Variants in RFTN1 observed in about 807,000 individuals in gnomAD.
RFTN1 encodes the protein raftlin.
RFTN1 carries 26 observed loss-of-function variants against 46.5 expected under a neutral mutation model. The ratio of observed to expected loss-of-function variants is 0.56; its 90% confidence interval spans 0.41 to 0.78. The LOEUF is 0.78. Ranked by LOEUF, RFTN1 falls within the 30% of genes least tolerant of loss-of-function variation. RFTN1 has a pLI of 0.00. For missense variants in RFTN1, 693 were observed against 718.7 expected (o/e 0.96, Z 0.41); for synonymous variants, 261 against 284.2 (o/e 0.92, Z 0.82).
chr3:16,317,527 A>G lies in RFTN1; in HGVS notation c.1333-295T>C, dbSNP rs2068541289. Among the ~76,000 whole-genome samples the G allele has an allele frequency of 6.6e-6, 1 of 152,176 alleles. No homozygotes were observed. Among genetic ancestry groups the G allele is most frequent in the South Asian group, 2.1e-4 (1 of 4,822 alleles). On this transcript the variant is annotated intron_variant, in intron 9 of 9. Coordinates refer to ENST00000334133, the MANE Select transcript of RFTN1 (RefSeq NM_015150.2). The surrounding 1 kb of genome is among the most constrained non-coding windows in gnomAD (Gnocchi z 4.3). ...TCTATACCAAAGGCCCACATAGGAAAGGGCTCCTAAAGTCCTATCATTTGG... is the reference window on the plus strand; with the variant it reads ...TCTATACCAAAGGCCCACATAGGAAGGGGCTCCTAAAGTCCTATCATTTGG...
intron 1 of RFTN1, among the ~76,000 whole-genome samples, chr3:16,511,197 T>G (rs1241217047): frequency 6.6e-6 from 1 of 152,198 alleles, no homozygotes; most frequent in Non-Finnish European, 1.5e-5. Context: ...TGATAAGGAC[T>G]AGGGTTACAC....
At chr3:16,490,767 T>A (rs1338786481) in intron 2 of RFTN1, among the ~76,000 whole-genome samples, 1 of 152,222 alleles carries the variant, frequency 6.6e-6, no homozygotes, top group African/African-American at 2.4e-5. Context: ...AAAAGGGGAC[T>A]GCAAAATAAA....
chr3:16,330,555 A>G (rs2070210898), intron 7 of RFTN1, among the ~76,000 whole-genome samples: 1 of 152,144 alleles, frequency 6.6e-6, no homozygotes, highest in African/African-American at 2.4e-5. Flanking sequence ...ACAAAAAGAC[A>G]TTTCTTTCTC....
chr3:16,458,343 G>A lies in RFTN1; in HGVS notation c.146-24306C>T, dbSNP rs1473511975. ...TATTATTCAGGTCCAGGTATGCTCG[G>A]GGTGCTGGAGTTTCAGGTAGTGGGG... is the stretch of plus-strand genomic sequence containing the variant. On this transcript the variant is annotated intron_variant, in intron 2 of 9. Coordinates refer to ENST00000334133, the MANE Select transcript of RFTN1 (RefSeq NM_015150.2). The surrounding 1 kb of genome is among the most constrained non-coding windows in gnomAD (Gnocchi z 5.1). Among the ~76,000 whole-genome samples, 1 of 152,172 alleles carries A rather than the reference G, an allele frequency of 6.6e-6. No individual in the cohort carries two copies. The highest frequency in any genetic ancestry group is 6.5e-5 in the Admixed American group (1 of 15,280).
chr3:16,389,027 A>ACC (rs2074282103), intron 4 of RFTN1, among the ~76,000 whole-genome samples: 4 of 151,810 alleles, frequency 2.6e-5, no homozygotes, highest in Non-Finnish European at 2.9e-5. Context: ...CATAAGTTTA[A>ACC]AGAATTTAAC....
chr3:16,492,732 T>G (rs2124990882), intron 2 of RFTN1, among the ~76,000 whole-genome samples: 3 of 152,364 alleles, frequency 2.0e-5, no homozygotes, highest in East Asian at 3.9e-4. Flanking sequence ...TATACTGTTT[T>G]CCAACTTACA....
Position 16,355,579 on chromosome 3 carries a change from G to A in RFTN1, c.1146+2353C>T, listed in dbSNP as rs543342882. On this transcript the variant is annotated intron_variant, in intron 7 of 9. Transcript: ENST00000334133. ...GAGCCTTTGCAGCCTCATCACTCCT[G>A]GGGTCCCACCTTTCAAATCCATCAC... Among the ~76,000 whole-genome samples the A allele has an allele frequency of 6.0e-4, 91 of 152,330 alleles. 2 individuals are homozygous for A. The South Asian group carries it at 0.019, about 31-fold the overall frequency.
At chr3:16,511,559 A>C (rs2076902656) in intron 1 of RFTN1, among the ~76,000 whole-genome samples, 1 of 152,124 alleles carries the variant, frequency 6.6e-6, no homozygotes, top group Non-Finnish European at 1.5e-5. Flanking sequence ...ATGGGGATAG[A>C]GTCACAGTGT....
At chr3:16,430,104 G>GT (rs367602281) in intron 3 of RFTN1, among the ~76,000 whole-genome samples, 43 of 129,952 alleles carry the variant, frequency 3.3e-4, no homozygotes, top group East Asian at 2.9e-3. Flanking sequence ...GAAAAAGTCC[G>GT]TTTTTTTTTT....
chr3:16,386,558 C>T (rs1036029200), intron 4 of RFTN1, among the ~76,000 whole-genome samples: 4 of 152,228 alleles, frequency 2.6e-5, no homozygotes, highest in Admixed American at 2.0e-4. Context: ...CGCTGCTCAG[C>T]GCTGTATTTG....
intron 1 of RFTN1, among the ~76,000 whole-genome samples, chr3:16,510,991 C>T (rs986128179): frequency 7.2e-5 from 11 of 152,148 alleles, no homozygotes; most frequent in East Asian, 1.9e-4. Context: ...ATCATGGATA[C>T]GACATGGATG....
intron 1 of RFTN1, 134 bp from the exon 2 acceptor site, chr3:16,494,011 T>C (rs761715220): frequency 4.2e-6 from 4 of 948,618 alleles, no homozygotes; most frequent in South Asian, 1.6e-5. Flanking sequence ...ACTGAGAGTA[T>C]AATTTAATAT....
At chr3:16,375,409 G>T (rs1226126241) in intron 5 of RFTN1, among the ~76,000 whole-genome samples, 1 of 152,128 alleles carries the variant, frequency 6.6e-6, no homozygotes, top group African/African-American at 2.4e-5. Flanking sequence ...CTCCCTATTT[G>T]TAAAATGGAT....
intron 2 of RFTN1, among the ~76,000 whole-genome samples, chr3:16,486,633 T>C (rs916981251): frequency 1.3e-5 from 2 of 152,224 alleles, no homozygotes; most frequent in Non-Finnish European, 2.9e-5. Flanking sequence ...CACCTGAGGA[T>C]TTCAAGTCTT....
rs2076147246 is a variant in RFTN1 at position 16,468,927 on chromosome 3, C to T, written c.145+24798G>A. Among the ~76,000 whole-genome samples, 1 of 152,268 alleles carries T rather than the reference C, an allele frequency of 6.6e-6. No individual in the cohort carries two copies. On this transcript the variant is annotated intron_variant, in intron 2 of 9. Coordinates refer to ENST00000334133, the MANE Select transcript of RFTN1 (RefSeq NM_015150.2). This position sits in a 1 kb window ranked among gnomAD's most constrained non-coding sequence, Gnocchi z 4.4. ...GGGCAGGCATGCAGCCATTTCTTCA[C>T]TGCCAAAAGGCCAATCCATTCCCCC...
chr3:16,352,266 T>C lies in RFTN1; in HGVS notation c.1146+5666A>G, dbSNP rs2072152099. On this transcript the variant is annotated intron_variant, in intron 7 of 9. Coordinates refer to ENST00000334133, the MANE Select transcript of RFTN1 (RefSeq NM_015150.2). This position sits in a 1 kb window ranked among gnomAD's most constrained non-coding sequence, Gnocchi z 4.6. Reference sequence around the variant, plus strand: ...CATATTCCAGGGAGAGGGATAAACATGGAAAAGGCTCTATGGCTCAGGTAG... The same window carrying C: ...CATATTCCAGGGAGAGGGATAAACACGGAAAAGGCTCTATGGCTCAGGTAG... Among the ~76,000 whole-genome samples the C allele has an allele frequency of 6.6e-6, 1 of 152,142 alleles. No individual in the cohort carries two copies. The highest frequency in any genetic ancestry group is 2.4e-5 in the African/African-American group (1 of 41,416).
chr3:16,358,430 GT>G (rs11456149), intron 6 of RFTN1, among the ~76,000 whole-genome samples: 17 of 149,120 alleles, frequency 1.1e-4, no homozygotes, highest in African/African-American at 2.5e-4. Context: ...TTAGGTGAGG[GT>G]TTTTTTTTTC....
Position 16,341,878 on chromosome 3 carries a change from A to G in RFTN1, c.1147-15002T>C, listed in dbSNP as rs1369442905. 1.3e-5 allele frequency among the ~76,000 whole-genome samples: 2 copies of G among 152,214 alleles called. No individual in the cohort carries two copies. The highest frequency in any genetic ancestry group is 2.9e-5 in the Non-Finnish European group (2 of 68,048). The stretch of plus-strand genomic sequence containing the variant: ...GTATGATACCATTTTTGTAAAAAAT[A>G]TGCAAATATAGATAGAATATACACA... On this transcript the variant is annotated intron_variant, in intron 7 of 9. Coordinates refer to ENST00000334133, the MANE Select transcript of RFTN1 (RefSeq NM_015150.2). The surrounding 1 kb of genome is among the most constrained non-coding windows in gnomAD (Gnocchi z 4.7).
In RFTN1 at chr3:16,481,385, G is replaced by C. The variant is rs1242358866; in HGVS notation, c.145+12340C>G. On this transcript the variant is annotated intron_variant, in intron 2 of 9. Transcript: ENST00000334133. This position sits in a 1 kb window ranked among gnomAD's most constrained non-coding sequence, Gnocchi z 5.1. Reference sequence around the variant, plus strand: ...ATCTACTTTGAGACATGTTTTATGGGAACCGATTTCCTTATTACTCTTTGC... The same window carrying C: ...ATCTACTTTGAGACATGTTTTATGGCAACCGATTTCCTTATTACTCTTTGC... Among the ~76,000 whole-genome samples the C allele has an allele frequency of 6.6e-6, 1 of 152,066 alleles. No homozygotes were observed. The highest frequency in any genetic ancestry group is 1.5e-5 in the Non-Finnish European group (1 of 68,008).
Sources: allele counts gnomAD v4.1 joint callset (sites outside exome capture counted in the v4.1 genomes callset), GRCh38; gene constraint gnomAD v4.1.1; non-coding constraint Gnocchi (gnomAD v3.1); transcripts MANE v1.5; gene names NCBI Gene and HGNC (gene_info 2026-07-23, HGNC 2026-07-21).